MFSD6: variants seen among roughly 807,000 people sequenced by gnomAD.
MFSD6 encodes the protein major facilitator superfamily domain-containing protein 6.
In MFSD6, 26 loss-of-function variants were observed where a neutral mutation model predicts 56.3. That is an observed-to-expected ratio of 0.46 (90% CI 0.34 to 0.64). The LOEUF (loss-of-function observed/expected upper bound fraction) is 0.64. Ranked by LOEUF, MFSD6 falls within the 30% of genes least tolerant of loss-of-function variation. MFSD6 has a pLI of 0.01. For synonymous variants in MFSD6, 331 were observed against 366.9 expected, an observed-to-expected ratio of 0.90 and a Z score of 1.12; for missense variants, 750 against 986.2, an observed-to-expected ratio of 0.76 and a Z score of 3.21.
At chr2:190,435,683 C>G (rs1052174515) in intron 2 of MFSD6, among the ~76,000 whole-genome samples, 3 of 152,120 alleles carry the variant, frequency 2.0e-5, no homozygotes, top group Non-Finnish European at 4.4e-5. Context: ...GACATAATCC[C>G]TATTATTTGT....
chr2:190,412,518 C>T lies in MFSD6; in HGVS notation c.-175-2774C>T, dbSNP rs1690600336. 1 of 985,436 alleles carries T rather than the reference C, an allele frequency of 1.0e-6. No homozygotes were observed. The highest frequency in any genetic ancestry group is 1.7e-5 in the African/African-American group (1 of 57,362). The allele number at this position is 985,436 out of a possible 1,614,324, so 61.0% of individuals were successfully genotyped here. On this transcript the variant is annotated intron_variant, in intron 1 of 7. Coordinates refer to ENST00000392328, the MANE Select transcript of MFSD6 (RefSeq NM_017694.4). The surrounding 1 kb of genome is among the most constrained non-coding windows in gnomAD (Gnocchi z 4.1). ...GGTAAAATTTCTTCCTCAAACTCAACTAACATGGCATTTCCTTGGGCATAG... is the reference window on the plus strand; with the variant it reads ...GGTAAAATTTCTTCCTCAAACTCAATTAACATGGCATTTCCTTGGGCATAG...
chr2:190,460,703 G>C lies in MFSD6; in HGVS notation c.1533-9055G>C, dbSNP rs548273158. On this transcript the variant is annotated intron_variant, in intron 3 of 7. Coordinates refer to ENST00000392328, the MANE Select transcript of MFSD6 (RefSeq NM_017694.4). ...TGATGCTGCAATCACATATTAAAGG[G>C]AATGGACCAGGCATGAGATGGAGCT... Among the ~76,000 whole-genome samples the C allele has an allele frequency of 7.9e-5, 12 of 152,284 alleles. No individual in the cohort carries two copies. In the East Asian group the frequency reaches 2.3e-3, roughly 29 times the overall value.
chr2:190,497,845 G>A lies in MFSD6; in HGVS notation c.2172+126G>A. On this transcript the variant is annotated intron_variant, in intron 7 of 7. Transcript: ENST00000392328. The surrounding 1 kb of genome is among the most constrained non-coding windows in gnomAD (Gnocchi z 5.2). The stretch of plus-strand genomic sequence containing the variant: ...AAAGTCTGGTGGGGGAAATAGACAT[G>A]CAAACAATTTCAGTACTCTGTGAGC... 1.7e-6 allele frequency: 2 copies of A among 1,152,320 alleles called. No individual in the cohort carries two copies. The highest frequency in any genetic ancestry group is 1.6e-5 in the South Asian group (1 of 64,318). The allele number at this position is 1,152,320 out of a possible 1,614,324, so 71.4% of individuals were successfully genotyped here. A position where few individuals can be genotyped will look rare whatever the true frequency, so the allele number is the denominator to read the frequency against.
intron 1 of MFSD6, among the ~76,000 whole-genome samples, chr2:190,408,909 C>T (rs953374546): frequency 6.6e-6 from 1 of 152,060 alleles, no homozygotes; most frequent in Non-Finnish European, 1.5e-5. Context: ...GCGCCGATGC[C>T]CGGGTCCTCC....
At chr2:190,428,354 T>TA (rs1384165143) in intron 2 of MFSD6, among the ~76,000 whole-genome samples, 1 of 152,186 alleles carries the variant, frequency 6.6e-6, no homozygotes, top group Admixed American at 6.5e-5. Context: ...CATAGGGTCT[T>TA]ACACTCAGGA....
At chr2:190,432,045 A>G (rs1303562810) in intron 2 of MFSD6, among the ~76,000 whole-genome samples, 1 of 152,038 alleles carries the variant, frequency 6.6e-6, no homozygotes, top group African/African-American at 2.4e-5. Context: ...TCTGTTTTTC[A>G]TGTAACAGAC....
In MFSD6 at chr2:190,465,048, A is replaced by G. The variant is rs2125128850; in HGVS notation, c.1533-4710A>G. 2.5e-6 allele frequency: 1 copy of G among 400,404 alleles called. No homozygotes were observed. The highest frequency in any genetic ancestry group is 3.4e-6 in the Non-Finnish European group (1 of 294,320). 24.8% of individuals were successfully genotyped at this position (400,404 alleles called of 1,614,324 possible). On this transcript the variant is annotated intron_variant, in intron 3 of 7. Coordinates refer to ENST00000392328, the MANE Select transcript of MFSD6 (RefSeq NM_017694.4). This position sits in a 1 kb window ranked among gnomAD's most constrained non-coding sequence, Gnocchi z 4.6. Reference sequence around the variant, plus strand: ...CTATATCTTGAACACTCTTGAAAAAAATACCAGTTTTATTATAAGATAACC... The same window carrying G: ...CTATATCTTGAACACTCTTGAAAAAGATACCAGTTTTATTATAAGATAACC...
Position 190,496,813 on chromosome 2 carries a change from GA to G in MFSD6, c.1892-622del, listed in dbSNP as rs1689719688. Among the ~76,000 whole-genome samples the G allele has an allele frequency of 1.3e-5, 2 of 152,206 alleles. No homozygotes were observed. Among genetic ancestry groups the G allele is most frequent in the South Asian group, 4.1e-4 (2 of 4,830 alleles). On this transcript the variant is annotated intron_variant, in intron 6 of 7. Transcript: ENST00000392328. The surrounding 1 kb of genome is among the most constrained non-coding windows in gnomAD (Gnocchi z 4.7). ...TTCTAAGTGAAGCAACTCAAGAATGGAAAACCAAACATCGTATATTCTCACT... is the reference window on the plus strand; with the variant it reads ...TTCTAAGTGAAGCAACTCAAGAATGGAAACCAAACATCGTATATTCTCACT...
chr2:190,458,603 C>T lies in MFSD6; in HGVS notation c.1533-11155C>T, dbSNP rs72905290. 0.22 allele frequency among the ~76,000 whole-genome samples: 34,129 copies of T among 152,142 alleles called. 4,882 individuals carry two copies. The highest frequency in any genetic ancestry group is 0.33 in the South Asian group (1,598 of 4,826). On this transcript the variant is annotated intron_variant, in intron 3 of 7. Coordinates refer to ENST00000392328, the MANE Select transcript of MFSD6 (RefSeq NM_017694.4). The surrounding 1 kb of genome is among the most constrained non-coding windows in gnomAD (Gnocchi z 5.3). ...CCCCAGTTTTAGATTCCCTTCCCCCCGAGTGCTTGACAGATGGTTATTAGC... is the reference window on the plus strand; with the variant it reads ...CCCCAGTTTTAGATTCCCTTCCCCCTGAGTGCTTGACAGATGGTTATTAGC...
At position 190,487,153 on chromosome 2, in the gene MFSD6, C is replaced by G. The variant is rs1689059922; in HGVS notation, c.1631-1504C>G. On this transcript the variant is annotated intron_variant, in intron 4 of 7. Transcript: ENST00000392328. The surrounding 1 kb of genome is among the most constrained non-coding windows in gnomAD (Gnocchi z 5.5). ...GTCAAGAGATCAAGACCATCCTGGC[C>G]AACGTGGTGAAACCCTGTCTCTACT... is the stretch of plus-strand genomic sequence containing the variant. Among the ~76,000 whole-genome samples, 1 of 151,640 alleles carries G rather than the reference C, an allele frequency of 6.6e-6. No homozygotes were observed. Among genetic ancestry groups the G allele is most frequent in the Non-Finnish European group, 1.5e-5 (1 of 67,930 alleles).
At position 190,454,563 on chromosome 2, in the gene MFSD6, C is replaced by T. The variant is rs1037583698; in HGVS notation, c.1533-15195C>T. ...TCCCTCTTCCCCTCTGCCGCCCTCC[C>T]TCTACCATATGAGGACACTGTAAGA... On this transcript the variant is annotated intron_variant, in intron 3 of 7. Transcript: ENST00000392328. The surrounding 1 kb of genome is among the most constrained non-coding windows in gnomAD (Gnocchi z 4.6). 6.6e-6 allele frequency: 1 copy of T among 152,246 alleles called. No homozygotes were observed. The highest frequency in any genetic ancestry group is 1.5e-5 in the Non-Finnish European group (1 of 68,118). The allele number at this position is 152,246 out of a possible 1,614,324, so 9.4% of individuals were successfully genotyped here.
intron 3 of MFSD6, among the ~76,000 whole-genome samples, chr2:190,448,945 T>G (rs1686677777): frequency 6.6e-6 from 1 of 152,226 alleles, no homozygotes; most frequent in African/African-American, 2.4e-5. Context: ...AATGTGTGTA[T>G]GTGTATATGC....
intron 3 of MFSD6, among the ~76,000 whole-genome samples, chr2:190,448,936 A>G (rs923860042): frequency 2.6e-5 from 4 of 152,188 alleles, no homozygotes; most frequent in Non-Finnish European, 4.4e-5. Flanking sequence ...GAAGAGCCAA[A>G]TGTGTGTATG....
rs1689401389 is a variant in MFSD6, at chr2:190,492,245, C to G, written c.1891+2379C>G. Among the ~76,000 whole-genome samples, 1 of 152,080 alleles carries G rather than the reference C, an allele frequency of 6.6e-6. No homozygotes were observed. Among genetic ancestry groups the G allele is most frequent in the South Asian group, 2.1e-4 (1 of 4,832 alleles). On this transcript the variant is annotated intron_variant, in intron 6 of 7. Transcript: ENST00000392328. This position sits in a 1 kb window ranked among gnomAD's most constrained non-coding sequence, Gnocchi z 5.2. ...TGGAAAACACATTTGATGAAATAAT[C>G]AAGGAAAACTTGCTAGAGACCTAAA...
In MFSD6 at chr2:190,413,375, T is replaced by A. The variant is rs1453010194; in HGVS notation, c.-175-1917T>A. ...TCAAGAGATGTGGAAAAAAATTGAA[T>A]TAAGGGGGGCAGAGATGTCTTTCTT... On this transcript the variant is annotated intron_variant, in intron 1 of 7. Transcript: ENST00000392328. This position sits in a 1 kb window ranked among gnomAD's most constrained non-coding sequence, Gnocchi z 4.1. Among the ~76,000 whole-genome samples, 1 of 151,940 alleles carries A rather than the reference T, an allele frequency of 6.6e-6. No homozygotes were observed. Among genetic ancestry groups the A allele is most frequent in the Non-Finnish European group, 1.5e-5 (1 of 67,988 alleles).
Position 190,466,206 on chromosome 2 carries a change from T to C in MFSD6, c.1533-3552T>C, listed in dbSNP as rs562027548. 1.2e-4 allele frequency among the ~76,000 whole-genome samples: 19 copies of C among 152,314 alleles called. No homozygotes were observed. In the South Asian group the frequency reaches 3.7e-3, roughly 30 times the overall value. The stretch of plus-strand genomic sequence containing the variant: ...CCTAATTACCTCTTCTAAGGCTATA[T>C]TTCCAAATACAATCACATTTTGAGG... On this transcript the variant is annotated intron_variant, in intron 3 of 7. Coordinates refer to ENST00000392328, the MANE Select transcript of MFSD6 (RefSeq NM_017694.4).
Position 190,487,536 on chromosome 2 carries a change from T to C in MFSD6, c.1631-1121T>C, listed in dbSNP as rs1007519193. ...AGAATGGATGAATGTCCAGAATATA[T>C]AAAGAGCTCCTACAACTCAATAACA... On this transcript the variant is annotated intron_variant, in intron 4 of 7. Transcript: ENST00000392328. This position sits in a 1 kb window ranked among gnomAD's most constrained non-coding sequence, Gnocchi z 5.5. Among the ~76,000 whole-genome samples the C allele has an allele frequency of 1.3e-5, 2 of 152,078 alleles. No individual in the cohort carries two copies. The highest frequency in any genetic ancestry group is 3.2e-3 in the Middle Eastern group (1 of 316).
rs1685741064 is a variant in MFSD6, at chr2:190,424,914, T to G, written c.-54+9501T>G. On this transcript the variant is annotated intron_variant, in intron 2 of 7. Transcript: ENST00000392328. The surrounding 1 kb of genome is among the most constrained non-coding windows in gnomAD (Gnocchi z 5.9). ...TATAAATTTTAAAATCTTGTCTATA[T>G]CTACAAAAATATGTTGCTGAGATTT... 6.6e-6 allele frequency among the ~76,000 whole-genome samples: 1 copy of G among 152,224 alleles called. No homozygotes were observed. The highest frequency in any genetic ancestry group is 2.4e-5 in the African/African-American group (1 of 41,446).
chr2:190,466,905 C>G (rs558787568), intron 3 of MFSD6, among the ~76,000 whole-genome samples: 571 of 152,294 alleles, frequency 3.7e-3, no homozygotes, highest in African/African-American at 0.012. Context: ...ACTCCAGTGA[C>G]TGAATTCCAT....
Sources: gnomAD v4.1 joint callset for allele counts (sites outside exome capture counted in the v4.1 genomes callset) on GRCh38, gnomAD v4.1.1 for gene constraint, Gnocchi (gnomAD v3.1) non-coding constraint, MANE v1.5 for transcripts, NCBI Gene and HGNC (gene_info 2026-07-23, HGNC 2026-07-21) for gene names.